Variants in TNRC6A observed in about 807,000 individuals in gnomAD.
TNRC6A encodes trinucleotide repeat containing adaptor 6A, also known as trinucleotide repeat-containing gene 6A protein.
In TNRC6A, 44 loss-of-function variants were observed where a neutral mutation model predicts 221.2. The observed-to-expected ratio is 0.20, with a 90% CI of 0.16 to 0.26. The LOEUF is 0.26. TNRC6A is among the 10% of genes least tolerant of loss of function. The pLI is 1.00. For missense variants in TNRC6A, 2,199 were observed against 2,404.4 expected (o/e 0.91, Z 1.79); for synonymous variants, 847 against 838.5 (o/e 1.01, Z -0.18).
chr16:24,709,434 T>A (rs77425818), intron 2 of TNRC6A, among the ~76,000 whole-genome samples: 14 of 152,258 alleles, frequency 9.2e-5, no homozygotes, highest in Non-Finnish European at 5.9e-5. Context: ...CCACCAGCAG[T>A]GACGCACTCT....
At chr16:24,611,655 G>A (rs943413474) in intron 1 of TNRC6A, among the ~76,000 whole-genome samples, 5 of 152,206 alleles carry the variant, frequency 3.3e-5, no homozygotes, top group African/African-American at 1.2e-4. Flanking sequence ...GGCAGCATGT[G>A]AGCGATTTAG....
At chr16:24,767,093 T>C (rs973088143) in intron 4 of TNRC6A, among the ~76,000 whole-genome samples, 2 of 152,234 alleles carry the variant, frequency 1.3e-5, no homozygotes, top group Non-Finnish European at 2.9e-5. Context: ...CATTAACATT[T>C]CATCAGATGT....
intron 2 of TNRC6A, among the ~76,000 whole-genome samples, chr16:24,681,313 C>T (rs533300578): frequency 6.6e-6 from 1 of 152,140 alleles, no homozygotes; most frequent in East Asian, 1.9e-4. Flanking sequence ...CTGCAGCCTA[C>T]ACCTCCTGGA....
intron 20 of TNRC6A, 60 bp downstream of exon 20, chr16:24,817,016 A>C: frequency 1.4e-5 from 22 of 1,531,638 alleles, no homozygotes; most frequent in African/African-American, 2.7e-5. Context: ...AGAATGGCTC[A>C]TGTAGTACCC....
intron 1 of TNRC6A, among the ~76,000 whole-genome samples, chr16:24,629,915 G>T (rs753797885): frequency 2.6e-5 from 4 of 151,896 alleles, no homozygotes; most frequent in Non-Finnish European, 5.9e-5. Flanking sequence ...CAAGGCTGCA[G>T]TGAGCTATGA....
At chr16:24,751,158 C>T (rs2057128095) in intron 3 of TNRC6A, among the ~76,000 whole-genome samples, 1 of 152,194 alleles carries the variant, frequency 6.6e-6, no homozygotes, top group South Asian at 2.1e-4. Flanking sequence ...CACTCTCCCA[C>T]ATAGCACATA....
intron 2 of TNRC6A, chr16:24,664,063 T>C (rs1238588597): frequency 7.7e-5 from 32 of 414,658 alleles, no homozygotes; most frequent in South Asian, 5.1e-4. Flanking sequence ...TGGTGGCTCA[T>C]ACCTGTAATC....
intron 1 of TNRC6A, among the ~76,000 whole-genome samples, chr16:24,624,828 C>T (rs1014933337): frequency 1.3e-5 from 2 of 152,138 alleles, no homozygotes; most frequent in Non-Finnish European, 2.9e-5. Context: ...TAAGTGCTGA[C>T]GAAGTAATAC....
In TNRC6A at chr16:24,678,389, C is replaced by A. The variant is rs559881590; in HGVS notation, n.402+37380C>A. The stretch of plus-strand genomic sequence containing the variant: ...GTATTAGGTGATAAAAAGCTTCTGT[C>A]ATGCATGTCTTTGCTTCCTTGTCCC... On this transcript the variant is annotated intron_variant and non_coding_transcript_variant, in intron 2 of 2. Coordinates refer to the TNRC6A transcript ENST00000566108. Among the ~76,000 whole-genome samples the A allele has an allele frequency of 7.8e-4, 119 of 151,886 alleles. 1 individual carries two copies. The highest frequency in any genetic ancestry group is 2.6e-3 in the African/African-American group (108 of 41,406).
At chr16:24,627,697 C>CTTTT (rs57520356) in intron 1 of TNRC6A, among the ~76,000 whole-genome samples, 63 of 101,772 alleles carry the variant, frequency 6.2e-4, no homozygotes, top group Middle Eastern at 5.9e-3. Flanking sequence ...TCTTTTCTTG[C>CTTTT]TTTTTTTTTT....
At chr16:24,702,166 T>C (rs2055995667) in intron 2 of TNRC6A, among the ~76,000 whole-genome samples, 1 of 98,644 alleles carries the variant, frequency 1.0e-5, no homozygotes. Flanking sequence ...CTTTTTTCTT[T>C]TCTTTTTTCT....
chr16:24,717,816 G>T (rs1259006719), intron 2 of TNRC6A, among the ~76,000 whole-genome samples: 1 of 133,094 alleles, frequency 7.5e-6, no homozygotes, highest in African/African-American at 2.8e-5. Flanking sequence ...CTGTCACCCA[G>T]GCTGGAGTGC....
At chr16:24,813,344 C>T (rs183180944) in intron 18 of TNRC6A, among the ~76,000 whole-genome samples, 87 of 152,298 alleles carry the variant, frequency 5.7e-4, no homozygotes, top group Admixed American at 1.3e-3. Flanking sequence ...TGCCACCCTC[C>T]CCACTTGTGG....
intron 1 of TNRC6A, among the ~76,000 whole-genome samples, chr16:24,617,053 AAGAG>A (rs1387703257): frequency 1.3e-5 from 2 of 152,184 alleles, no homozygotes; most frequent in Non-Finnish European, 2.9e-5. Context: ...TTTTCTCAGT[AAGAG>A]AGAGAAATGT....
Position 24,824,797 on chromosome 16 carries a change from T to A in TNRC6A, c.*990T>A, listed in dbSNP as rs2058839152. 1 of 151,654 alleles carries A rather than the reference T, an allele frequency of 6.6e-6. No individual in the cohort carries two copies. Among genetic ancestry groups the A allele is most frequent in the African/African-American group, 2.4e-5 (1 of 41,192 alleles). 9.4% of individuals were successfully genotyped at this position (151,654 alleles called of 1,614,324 possible). A position where few individuals can be genotyped will look rare whatever the true frequency, so the allele number is the denominator to read the frequency against. The stretch of plus-strand genomic sequence containing the variant: ...AAAAAAAAAAAAAAATTCCTTGTAG[T>A]TTCTTAGAGGAAAAAAAGAAAAACC... On this transcript the variant is annotated 3_prime_UTR_variant, in exon 25 of 25. Transcript: ENST00000395799.
At chr16:24,784,082 A>G (rs1263574547) in intron 5 of TNRC6A, among the ~76,000 whole-genome samples, 1 of 151,318 alleles carries the variant, frequency 6.6e-6, no homozygotes, top group Non-Finnish European at 1.5e-5. Context: ...ACTCACTGCA[A>G]CCTCCACCTC....
intron 2 of TNRC6A, among the ~76,000 whole-genome samples, chr16:24,643,094 TTATATATATATATAAAA>T (rs1173907384): frequency 7.4e-6 from 1 of 135,828 alleles, no homozygotes; most frequent in African/African-American, 2.8e-5. Context: ...TATATATATT[TTATATATATATATAAAA>T]TATATATATA....
rs1305336571 is a variant in TNRC6A at position 24,818,600 on chromosome 16, C to T, written c.4980C>T (p.Ser1660=). 3 of 1,614,102 alleles carry T rather than the reference C, an allele frequency of 1.9e-6. No homozygotes were observed. Among genetic ancestry groups the T allele is most frequent in the Admixed American group, 3.3e-5 (2 of 60,016 alleles). The change falls in exon 21 of 25, where the codon TCC becomes TCT. Residue 1660 remains serine (S), a synonymous_variant. Transcript: ENST00000395799. ...GACTCTTCCCCCACACAGGGTCATC[C>T]TCATCCTTGAACACCACGCTGCCTT... ...DHLRDRNSGS[S]SSLNTTLPST...
chr16:24,799,381 A>G (rs1359990968), intron 11 of TNRC6A, among the ~76,000 whole-genome samples: 3 of 152,190 alleles, frequency 2.0e-5, no homozygotes, highest in Non-Finnish European at 4.4e-5. Flanking sequence ...TGTCCGGTAC[A>G]ATGGCAACGC....
Sources: gnomAD v4.1 joint callset for allele counts (sites outside exome capture counted in the v4.1 genomes callset) on GRCh38, gnomAD v4.1.1 for gene constraint, MANE v1.5 for transcripts, NCBI Gene and HGNC (gene_info 2026-07-23, HGNC 2026-07-21) for gene names.